Variants in FANCA observed in about 807,000 individuals in gnomAD.
The protein encoded by FANCA is Fanconi anemia group A protein.
Under a neutral mutation model 194.3 loss-of-function variants are expected in FANCA, and 236 were observed. That is an observed-to-expected ratio of 1.21 (90% CI 1.09 to 1.35). The LOEUF (loss-of-function observed/expected upper bound fraction) is 1.35, where lower values mean the gene tolerates loss of function less well. FANCA is among the 40% of genes most tolerant of loss of function. The probability of loss-of-function intolerance (pLI) is 0.00; values close to 1 mark genes in which losing one functional copy is unlikely to be tolerated. For missense variants in FANCA, 2,628 were observed against 1,813.9 expected, an observed-to-expected ratio of 1.45 and a Z score of -8.15; for synonymous variants, 1,014 against 715.8, an observed-to-expected ratio of 1.42 and a Z score of -6.65.
intron 3 of FANCA, among the ~76,000 whole-genome samples, chr16:89,812,294 C>T (rs543173620): frequency 2.7e-5 from 4 of 149,300 alleles, no homozygotes; most frequent in East Asian, 2.0e-4. Context: ...GCCGAGATCA[C>T]GCCACTACAC....
intron 30 of FANCA, among the ~76,000 whole-genome samples, chr16:89,755,828 G>A (rs1487563100): frequency 4.0e-5 from 6 of 151,652 alleles, no homozygotes; most frequent in Middle Eastern, 3.4e-3. Context: ...ACAGACCAGA[G>A]CCCCCCGCAC....
At chr16:89,800,965 G>A (rs1464296594) in intron 8 of FANCA, among the ~76,000 whole-genome samples, 8 of 150,820 alleles carry the variant, frequency 5.3e-5, no homozygotes, top group South Asian at 2.1e-4. Context: ...CCCGGTAGGC[G>A]GAGCTTGCAG....
chr16:89,772,420 T>C, intron 22 of FANCA, among the ~76,000 whole-genome samples: 1 of 152,228 alleles, frequency 6.6e-6, no homozygotes, highest in East Asian at 1.9e-4. Context: ...CCAAGCTGTG[T>C]TAACATTGCC....
At chr16:89,739,098 G>C in intron 41 of FANCA, 35 bp downstream of exon 41, 1 of 1,613,860 alleles carries the variant, frequency 6.2e-7, no homozygotes, top group Non-Finnish European at 8.5e-7. Flanking sequence ...GCTGGGGGGA[G>C]CTCCCCTGGA....
At position 89,803,590 on chromosome 16, in the gene FANCA, T is replaced by C. The variant is rs2143617818; in HGVS notation, c.710-249A>G. Among the ~76,000 whole-genome samples the C allele has an allele frequency of 2.0e-5, 3 of 152,200 alleles. 1 individual carries two copies. The highest frequency in any genetic ancestry group is 6.8e-3 in the Middle Eastern group (2 of 294). ...AGATTTTTTCCTCTTGCACTTCTAT[T>C]TGAAAGGGAACAAGTTTATAGTCAG... On this transcript the variant is annotated intron_variant, in intron 7 of 42. Coordinates refer to ENST00000389301, the MANE Select transcript of FANCA (RefSeq NM_000135.4).
chr16:89,773,318 G>C lies in FANCA; in HGVS notation c.1967C>G (p.Ala656Gly). The C allele has an allele frequency of 6.4e-7, 1 of 1,551,598 alleles. No homozygotes were observed. Among genetic ancestry groups the C allele is most frequent in the African/African-American group, 1.4e-5 (1 of 73,164 alleles). Residue 656 changes from alanine to glycine, a missense_variant, in exon 22 of 43, where the codon GCA (alanine) becomes GGA (glycine). Transcript: ENST00000389301. ...CATGGAGGCTCTCAGCTCTCCCAGT[G>C]CAGCTGTGAGCTGTCCCAGGGGCTC... is the stretch of plus-strand genomic sequence containing the variant. ...AEEPLGQLTA[A>G]LGELRASMTD...
chr16:89,761,437 A>AG lies in FANCA; in HGVS notation c.2852+511dup, dbSNP rs2038950798. Among the ~76,000 whole-genome samples, 3 of 151,320 alleles carry AG rather than the reference A, an allele frequency of 2.0e-5. No individual in the cohort carries two copies. In the South Asian group the frequency reaches 6.3e-4, roughly 32 times the overall value. The stretch of plus-strand genomic sequence containing the variant: ...CTGTCTCAGAAAAAAAAAAAAAAAA[A>AG]GAAAAACAGAAATTGCCACCGCGTG... On this transcript the variant is annotated intron_variant, in intron 29 of 42. Transcript: ENST00000389301.
rs2040599429 is a variant in FANCA at position 89,805,327 on chromosome 16, A to G, written c.662T>C (p.Met221Thr). 6.2e-7 allele frequency: 1 copy of G among 1,613,990 alleles called. No individual in the cohort carries two copies. The highest frequency in any genetic ancestry group is 1.3e-5 in the African/African-American group (1 of 74,924). Residue 221 changes from methionine to threonine, a missense_variant, in exon 7 of 43, where the codon ATG becomes ACG. Coordinates refer to ENST00000389301, the MANE Select transcript of FANCA (RefSeq NM_000135.4). ...GTCAGCATGCTGGCAGGATGCTTCC[A>G]TCTGTTCACAAAGGCAGCACAGATT... ...FRNLCCLCEQ[M>T]EASCQHADVA...
chr16:89,816,165 G>A (rs1338908468), intron 1 of FANCA, 179 bp from the exon 2 acceptor site: 3 of 658,098 alleles, frequency 4.6e-6, no homozygotes, highest in Non-Finnish European at 2.8e-6. Flanking sequence ...CACCGCGGAC[G>A]CCGGGGAAGA....
At position 89,737,606 on chromosome 16, in the gene FANCA, A is replaced by T; in HGVS notation, c.*995T>A. 2.0e-6 allele frequency: 2 copies of T among 1,001,746 alleles called. No individual in the cohort carries two copies. Among genetic ancestry groups the T allele is most frequent in the Non-Finnish European group, 2.8e-6 (2 of 710,758 alleles). The allele number at this position is 1,001,746 out of a possible 1,614,324, so 62.1% of individuals were successfully genotyped here. A position where few individuals can be genotyped will look rare whatever the true frequency, so the allele number is the denominator to read the frequency against. ...AACCATCCTGAAATGCACACAGCTGATGAAGCCACGTGACAGTGTATAAAG... is the reference window on the plus strand; with the variant it reads ...AACCATCCTGAAATGCACACAGCTGTTGAAGCCACGTGACAGTGTATAAAG... On this transcript the variant is annotated 3_prime_UTR_variant, in exon 43 of 43. Coordinates refer to ENST00000389301, the MANE Select transcript of FANCA (RefSeq NM_000135.4).
chr16:89,759,775 A>T (rs544066760), intron 29 of FANCA, among the ~76,000 whole-genome samples: 73 of 152,210 alleles, frequency 4.8e-4, no homozygotes, highest in African/African-American at 1.7e-3. Flanking sequence ...AAACAAACAA[A>T]TCCGCAGTGC....
intron 30 of FANCA, among the ~76,000 whole-genome samples, chr16:89,758,348 T>C (rs1028963654): frequency 1.3e-5 from 2 of 152,172 alleles, no homozygotes; most frequent in African/African-American, 2.4e-5. Flanking sequence ...CGGTGTGTGA[T>C]GGTTAATACT....
chr16:89,800,427 G>C (rs531978150), intron 8 of FANCA, among the ~76,000 whole-genome samples: 1 of 152,266 alleles, frequency 6.6e-6, no homozygotes, highest in East Asian at 1.9e-4. Context: ...AGGCAAAATG[G>C]GAGCCACTGG....
intron 20 of FANCA, 128 bp from the exon 21 acceptor site, chr16:89,775,943 ATGAGCCTGTT>A: frequency 8.3e-6 from 4 of 480,044 alleles, no homozygotes; most frequent in Non-Finnish European, 1.4e-5. Context: ...TGTGTACAGT[ATGAGCCTGTT>A]TTTACAAAAA....
rs36011345 is a variant in FANCA at position 89,791,548 on chromosome 16, C to G, written c.1226-12G>C. ...ACGCGCCACCCAGTCTAGTTAAGAA[C>G]CATGACATAGTCACAGCAAGGCAAG... On this transcript the variant is annotated splice_polypyrimidine_tract_variant and intron_variant, in intron 13 of 42. Coordinates refer to ENST00000389301, the MANE Select transcript of FANCA (RefSeq NM_000135.4). The G allele has an allele frequency of 7.0e-5, 113 of 1,613,910 alleles. 1 individual carries two copies. The Middle Eastern group carries it at 0.011, about 152-fold the overall frequency.
chr16:89,769,816 G>T (rs554492836), intron 26 of FANCA, 21 bp downstream of exon 26: 1 of 1,613,430 alleles, frequency 6.2e-7, no homozygotes, highest in South Asian at 1.1e-5. Flanking sequence ...GAGAAGACGC[G>T]ACTGTGGAAG....
At chr16:89,784,579 A>ACC (rs1253306199) in intron 15 of FANCA, among the ~76,000 whole-genome samples, 1 of 151,890 alleles carries the variant, frequency 6.6e-6, no homozygotes, top group Non-Finnish European at 1.5e-5. Context: ...TAATATATCT[A>ACC]CCCACCTCCT....
chr16:89,787,908 C>G (rs959948579), intron 14 of FANCA, among the ~76,000 whole-genome samples: 1 of 151,478 alleles, frequency 6.6e-6, no homozygotes, highest in African/African-American at 2.4e-5. Flanking sequence ...GGGTCTTGCT[C>G]CATTGCCCAG....
chr16:89,813,359 GA>G (rs2040976997), intron 3 of FANCA, among the ~76,000 whole-genome samples: 1 of 150,320 alleles, frequency 6.7e-6, no homozygotes, highest in Non-Finnish European at 1.5e-5. Flanking sequence ...AGTGAGCCGT[GA>G]TTGCACCACG....
Sources: allele counts gnomAD v4.1 joint callset (sites outside exome capture counted in the v4.1 genomes callset), GRCh38; gene constraint gnomAD v4.1.1; transcripts MANE v1.5; gene names NCBI Gene and HGNC (gene_info 2026-07-23, HGNC 2026-07-21).